Variants in TMEM161B observed in about 807,000 individuals in gnomAD.
The protein encoded by TMEM161B is transmembrane protein 161B.
TMEM161B carries 34 observed loss-of-function variants against 61.8 expected under a neutral mutation model. The observed-to-expected ratio is 0.55, with a 90% CI of 0.42 to 0.73. TMEM161B has a LOEUF of 0.73. Ranked by LOEUF, TMEM161B falls within the 30% of genes least tolerant of loss-of-function variation. The pLI is 0.00. For missense variants in TMEM161B, 456 were observed against 558.5 expected, an observed-to-expected ratio of 0.82 and a Z score of 1.85; for synonymous variants, 167 against 192.8, an observed-to-expected ratio of 0.87 and a Z score of 1.11.
At chr5:88,267,427 A>G (rs527409859) in intron 1 of TMEM161B, among the ~76,000 whole-genome samples, 1 of 152,324 alleles carries the variant, frequency 6.6e-6, no homozygotes, top group African/African-American at 2.4e-5. Context: ...TTTGTTCTAC[A>G]TTCAGCTAAG....
rs1165616116 is a variant in TMEM161B at position 88,228,519 on chromosome 5, C to A, written c.117G>T (p.Trp39Cys). The A allele has an allele frequency of 6.3e-7, 1 of 1,596,770 alleles. No individual in the cohort carries two copies. Among genetic ancestry groups the A allele is most frequent in the Non-Finnish European group, 8.5e-7 (1 of 1,174,874 alleles). Reference protein sequence around the residue: ...RWLLCNGSLRWYQHPTEEELR... With the variant: ...RWLLCNGSLRCYQHPTEEELR... ...ATTCTTCTTCTGTAGGATGTTGATA[C>A]CACCTCAAACTAAGCAAAAAAAGAA... Residue 39 changes from tryptophan to cysteine, a missense_variant, in exon 3 of 12, where the codon TGG (tryptophan) becomes TGT (cysteine). By Grantham distance (215) the Trp-to-Cys change is radical. Coordinates refer to ENST00000296595, the MANE Select transcript of TMEM161B (RefSeq NM_153354.5).
At chr5:88,232,676 C>A (rs1315681476) in intron 2 of TMEM161B, among the ~76,000 whole-genome samples, 5 of 152,108 alleles carry the variant, frequency 3.3e-5, no homozygotes, top group Admixed American at 3.3e-4. Context: ...CGGGTTCATG[C>A]CATTCTCCTG....
intron 4 of TMEM161B, among the ~76,000 whole-genome samples, chr5:88,222,514 G>A (rs1261058201): frequency 6.6e-6 from 1 of 151,686 alleles, no homozygotes; most frequent in Non-Finnish European, 1.5e-5. Context: ...TCATCTGGAA[G>A]GAGGTCAGGG....
At chr5:88,211,680 A>G (rs1290846713) in intron 5 of TMEM161B, among the ~76,000 whole-genome samples, 1 of 151,616 alleles carries the variant, frequency 6.6e-6, no homozygotes, top group African/African-American at 2.4e-5. Context: ...CTGAGGAAGG[A>G]GAATTGCTTG....
intron 10 of TMEM161B, 112 bp downstream of exon 10, chr5:88,198,864 A>T: frequency 1.1e-6 from 1 of 925,180 alleles, no homozygotes; most frequent in Non-Finnish European, 1.6e-6. Flanking sequence ...CTGTTTATTT[A>T]TAATAAGAAT....
intron 5 of TMEM161B, among the ~76,000 whole-genome samples, chr5:88,215,068 T>C (rs1397185036): frequency 6.6e-6 from 1 of 152,256 alleles, no homozygotes; most frequent in Non-Finnish European, 1.5e-5. Flanking sequence ...AAAATGACCA[T>C]GGAAGTTAAA....
chr5:88,187,643 G>A (rs1392779423), downstream of TMEM161B, among the ~76,000 whole-genome samples: 1 of 152,044 alleles, frequency 6.6e-6, no homozygotes, highest in Non-Finnish European at 1.5e-5. Context: ...AATGTCTGTA[G>A]TCATCTCATA....
chr5:88,268,530 G>C (rs987568646), intron 1 of TMEM161B, among the ~76,000 whole-genome samples, 191 bp downstream of exon 1: 1 of 152,194 alleles, frequency 6.6e-6, no homozygotes, highest in Admixed American at 6.5e-5. Context: ...TAGTCTCCCA[G>C]ACAGGTAGGC....
At chr5:88,186,665 C>G (rs898113312), downstream of TMEM161B, among the ~76,000 whole-genome samples, 6 of 151,864 alleles carry the variant, frequency 4.0e-5, no homozygotes, top group Non-Finnish European at 8.8e-5. Context: ...TGCGGTGGCT[C>G]ACACCTGTAA....
chr5:88,187,314 T>G (rs1748407760), downstream of TMEM161B, among the ~76,000 whole-genome samples: 1 of 152,224 alleles, frequency 6.6e-6, no homozygotes, highest in South Asian at 2.1e-4. Flanking sequence ...ATCTAAGTAC[T>G]TTACATTTCC....
At chr5:88,200,860 C>T (rs537326167) in intron 9 of TMEM161B, 1 of 152,034 alleles carries the variant, frequency 6.6e-6, no homozygotes, top group South Asian at 2.1e-4. Context: ...TATCAGAACA[C>T]ATGATGGACT....
At chr5:88,211,378 T>C (rs947151571) in intron 5 of TMEM161B, among the ~76,000 whole-genome samples, 1 of 150,932 alleles carries the variant, frequency 6.6e-6, no homozygotes, top group Non-Finnish European at 1.5e-5. Flanking sequence ...GAAAAATGAA[T>C]GGTTAGACAT....
At chr5:88,226,000 G>A in intron 3 of TMEM161B, 134 bp from the exon 4 acceptor site, 1 of 564,128 alleles carries the variant, frequency 1.8e-6, no homozygotes, top group Non-Finnish European at 3.1e-6. Flanking sequence ...TCATCAATAA[G>A]GAGGTAAAGT....
chr5:88,202,974 T>C lies in TMEM161B; in HGVS notation c.902A>G (p.Glu301Gly). The change falls in exon 9 of 12, where the codon GAA becomes GGA. Residue 301 changes from glutamate (E) to glycine (G), a missense_variant. Transcript: ENST00000296595. ...DYIMNPPLGK[E>G]SIPLMTEATF... ...TGCCCATACTTACAAAGGGATACTTTCTTTGCCCAGTGGTGGGTTCATAAT... is the reference window on the plus strand; with the variant it reads ...TGCCCATACTTACAAAGGGATACTTCCTTTGCCCAGTGGTGGGTTCATAAT... The C allele has an allele frequency of 1.2e-6, 2 of 1,608,188 alleles. No individual in the cohort carries two copies. The highest frequency in any genetic ancestry group is 8.5e-7 in the Non-Finnish European group (1 of 1,174,814).
At chr5:88,207,315 T>C in intron 5 of TMEM161B, 135 bp from the exon 6 acceptor site, 1 of 820,354 alleles carries the variant, frequency 1.2e-6, no homozygotes, top group Non-Finnish European at 1.8e-6. Flanking sequence ...ACTTTTAAAT[T>C]AAGGAAAAGA....
intron 5 of TMEM161B, among the ~76,000 whole-genome samples, chr5:88,212,054 A>G (rs533447161): frequency 1.3e-5 from 2 of 152,314 alleles, no homozygotes; most frequent in African/African-American, 4.8e-5. Context: ...AAGTTTCCTC[A>G]GAAGAAAAAT....
chr5:88,235,890 G>A (rs186394860), intron 2 of TMEM161B, among the ~76,000 whole-genome samples: 29 of 152,308 alleles, frequency 1.9e-4, no homozygotes, highest in Non-Finnish European at 3.5e-4. Context: ...ATATACACTT[G>A]TTAGAAATTT....
At chr5:88,259,065 T>C (rs1755356613) in intron 1 of TMEM161B, among the ~76,000 whole-genome samples, 1 of 152,188 alleles carries the variant, frequency 6.6e-6, no homozygotes, top group African/African-American at 2.4e-5. Flanking sequence ...AAGCCACTTC[T>C]ACTAGTAGAG....
intron 1 of TMEM161B, among the ~76,000 whole-genome samples, chr5:88,253,548 A>G (rs1485450256): frequency 6.6e-6 from 1 of 152,222 alleles, no homozygotes; most frequent in East Asian, 1.9e-4. Flanking sequence ...ACAATCCAGA[A>G]ATAATGTGAA....
Sources: allele counts gnomAD v4.1 joint callset (sites outside exome capture counted in the v4.1 genomes callset), GRCh38; gene constraint gnomAD v4.1.1; transcripts MANE v1.5; gene names NCBI Gene and HGNC (gene_info 2026-07-23, HGNC 2026-07-21).